Variants in PTPRF observed in about 807,000 individuals in gnomAD.
PTPRF encodes protein tyrosine phosphatase receptor type F, also known as receptor-type tyrosine-protein phosphatase F.
In PTPRF, 59 loss-of-function variants were observed where a neutral mutation model predicts 201.8. The observed-to-expected ratio is 0.29, with a 90% CI of 0.24 to 0.36. PTPRF has a LOEUF of 0.36. Among genes scored for constraint, PTPRF ranks in the 10% least tolerant of loss-of-function variants. The pLI is 1.00. For synonymous variants in PTPRF, 1,088 were observed against 1,089.7 expected (o/e 1.00, Z 0.03); for missense variants, 2,132 against 2,690.5 (o/e 0.79, Z 4.59).
At chr1:43,551,212 G>T (rs1479582820) in intron 3 of PTPRF, among the ~76,000 whole-genome samples, 1 of 152,066 alleles carries the variant, frequency 6.6e-6, no homozygotes, top group Non-Finnish European at 1.5e-5. Flanking sequence ...CTGGACTAGG[G>T]TGTGGCAGCG....
intron 20 of PTPRF, 93 bp downstream of exon 20, chr1:43,606,551 TTATCA>T: frequency 7.7e-7 from 1 of 1,305,200 alleles, no homozygotes; most frequent in Non-Finnish European, 1.1e-6. Context: ...CCCCAGGTCT[TTATCA>T]GTTTGGGGGC....
At chr1:43,606,531 C>A in intron 20 of PTPRF, 73 bp downstream of exon 20, 2 of 1,388,964 alleles carry the variant, frequency 1.4e-6, no homozygotes, top group Non-Finnish European at 2.0e-6. Flanking sequence ...CAGTCTCAAA[C>A]ACCACAAGAC....
At chr1:43,560,656 G>A (rs1645744353) in intron 5 of PTPRF, among the ~76,000 whole-genome samples, 1 of 152,198 alleles carries the variant, frequency 6.6e-6, no homozygotes, top group South Asian at 2.1e-4. Context: ...GGAGCTGTTG[G>A]TCCGCCAGGA....
intron 2 of PTPRF, 83 bp from the exon 3 acceptor site, chr1:43,544,948 T>TG: frequency 1.3e-6 from 1 of 793,264 alleles, no homozygotes; most frequent in Non-Finnish European, 2.0e-6. Context: ...TGAGGATGAC[T>TG]GGGGGTCAGA....
At chr1:43,604,865 T>C (rs780891205) in intron 16 of PTPRF, 38 bp from the exon 17 acceptor site, 19 of 1,580,958 alleles carry the variant, frequency 1.2e-5, no homozygotes, top group Non-Finnish European at 1.6e-5. Flanking sequence ...CCCCACCTCA[T>C]ATACCCAGCA....
chr1:43,618,839 G>C, intron 26 of PTPRF, 90 bp downstream of exon 26: 2 of 1,542,012 alleles, frequency 1.3e-6, no homozygotes, highest in Non-Finnish European at 1.8e-6. Flanking sequence ...GGAAGCTGGA[G>C]CCTGGGTGTT....
At chr1:43,615,473 C>T (rs1377339591) in intron 23 of PTPRF, among the ~76,000 whole-genome samples, 2 of 151,918 alleles carry the variant, frequency 1.3e-5, no homozygotes, top group Non-Finnish European at 2.9e-5. Flanking sequence ...ACAAGACCCT[C>T]CTCCTCCAGG....
At chr1:43,524,282 C>T (rs1014008349), upstream of PTPRF, among the ~76,000 whole-genome samples, 1 of 151,986 alleles carries the variant, frequency 6.6e-6, no homozygotes, top group African/African-American at 2.4e-5. Flanking sequence ...GACGGATGCA[C>T]CAAAATCTCA....
intron 6 of PTPRF, among the ~76,000 whole-genome samples, chr1:43,573,525 A>ACCCT (rs1646713001): frequency 6.6e-6 from 1 of 152,184 alleles, no homozygotes; most frequent in Non-Finnish European, 1.5e-5. Flanking sequence ...GCAGCCCCTC[A>ACCCT]CCCTGCTGGC....
chr1:43,583,521 C>G (rs1648299920), intron 7 of PTPRF, among the ~76,000 whole-genome samples: 1 of 152,204 alleles, frequency 6.6e-6, no homozygotes, highest in Non-Finnish European at 1.5e-5. Context: ...CACCGCCCTC[C>G]TCGCCTAGAG....
intron 9 of PTPRF, 125 bp from the exon 10 acceptor site, chr1:43,591,687 G>A (rs1169289880): frequency 4.1e-6 from 6 of 1,450,410 alleles, no homozygotes; most frequent in South Asian, 2.7e-5. Context: ...TTCCATAGAT[G>A]TGTGGTCAGT....
rs771181177 is a variant in PTPRF at position 43,619,852 on chromosome 1, G to A, written c.5105G>A (p.Gly1702Asp). Residue 1702 changes from glycine to aspartate, a missense_variant, in exon 29 of 34, where the codon GGT (glycine) becomes GAT (aspartate). Gly to Asp is a moderately conservative substitution (Grantham distance 94). Transcript: ENST00000359947. ...TACATCAATGCCAGCTTCCTGGATG[G>A]TTATAGGTCAGCATGCATGTCACTG... ...SDYINASFLD[G>D]YRQQKAYIAT... The A allele has an allele frequency of 1.2e-6, 2 of 1,613,998 alleles. No homozygotes were observed. Among genetic ancestry groups the A allele is most frequent in the Non-Finnish European group, 1.7e-6 (2 of 1,179,908 alleles).
At chr1:43,562,219 C>G (rs1434301722) in intron 5 of PTPRF, among the ~76,000 whole-genome samples, 2 of 151,982 alleles carry the variant, frequency 1.3e-5, no homozygotes, top group Non-Finnish European at 2.9e-5. Flanking sequence ...GATGATTCTC[C>G]TGCCTCAGCC....
At position 43,604,922 on chromosome 1, in the gene PTPRF, G is replaced by C. The variant is rs749729984; in HGVS notation, c.3057G>C (p.Arg1019=). 67 of 1,613,970 alleles carry C rather than the reference G, an allele frequency of 4.2e-5. No homozygotes were observed. Among genetic ancestry groups the C allele is most frequent in the Non-Finnish European group, 5.4e-5 (64 of 1,180,042 alleles). The change falls in exon 17 of 34, where the codon CGG becomes CGC. Residue 1019 remains arginine (R), a synonymous_variant. Transcript: ENST00000359947. ...PVEQVFAKNF[R]VAAAMKTSVL... is the part of the protein sequence containing the mutation. ...TTGCAGTGTTTGCCAAGAACTTCCG[G>C]GTGGCGGCTGCAATGAAGACGTCTG...
At chr1:43,559,757 G>A (rs1285910168) in intron 5 of PTPRF, among the ~76,000 whole-genome samples, 1 of 150,586 alleles carries the variant, frequency 6.6e-6, no homozygotes, top group Non-Finnish European at 1.5e-5. Context: ...GTGTGTGTGT[G>A]TTTGTACAGC....
intron 3 of PTPRF, among the ~76,000 whole-genome samples, chr1:43,548,812 C>T (rs906435844): frequency 5.3e-5 from 8 of 152,204 alleles, no homozygotes; most frequent in Non-Finnish European, 1.0e-4. Context: ...TTCGCCGGCC[C>T]TCATGGCCCT....
rs369523992 is a variant in PTPRF, at chr1:43,591,673, C to T, written c.1531+120C>T. On this transcript the variant is annotated intron_variant, in intron 9 of 33. Coordinates refer to ENST00000359947, the MANE Select transcript of PTPRF (RefSeq NM_002840.5). ...GGGGCTCTTGGGAGGATCAAGGTGCCGTATTCCATAGATGTGTGGTCAGTT... is the reference window on the plus strand; with the variant it reads ...GGGGCTCTTGGGAGGATCAAGGTGCTGTATTCCATAGATGTGTGGTCAGTT... 1.8e-4 allele frequency: 259 copies of T among 1,437,586 alleles called. 8 individuals carry two copies. The East Asian group carries it at 3.7e-3, about 20-fold the overall frequency. The allele number at this position is 1,437,586 out of a possible 1,614,324, so 89.1% of individuals were successfully genotyped here.
In PTPRF at chr1:43,578,869, A is replaced by G. The variant is rs750826620; in HGVS notation, c.628A>G (p.Thr210Ala). The change falls in exon 7 of 34, where the codon ACC (threonine) becomes GCC (alanine). Residue 210 changes from threonine to alanine, a missense_variant. Physicochemically the swap from Thr to Ala is moderately conservative, Grantham distance 58 (BLOSUM62 0). This residue lies in a region of PTPRF where 297 missense variants were observed against 454.0 expected (regional missense o/e 0.65). Transcript: ENST00000359947. ...SDQGKYECVA[T>A]NSAGTRYSAP... ...CCAAGGCAAGTACGAGTGTGTGGCG[A>G]CCAACTCGGCAGGCACACGTTACTC... 1.7e-5 allele frequency: 28 copies of G among 1,614,088 alleles called. No homozygotes were observed. The highest frequency in any genetic ancestry group is 2.4e-5 in the Non-Finnish European group (28 of 1,180,024).
chr1:43,564,546 C>G (rs1272466830), intron 5 of PTPRF, among the ~76,000 whole-genome samples: 1 of 152,196 alleles, frequency 6.6e-6, no homozygotes, highest in African/African-American at 2.4e-5. Context: ...AGGTGCCCCT[C>G]CACATGCACA....
Sources: gnomAD v4.1 joint callset for allele counts (sites outside exome capture counted in the v4.1 genomes callset) on GRCh38, gnomAD v4.1.1 for gene constraint, gnomAD v4.1.1 regional missense constraint, MANE v1.5 for transcripts, NCBI Gene and HGNC (gene_info 2026-07-23, HGNC 2026-07-21) for gene names.